Variants in MEIKIN observed in about 807,000 individuals in gnomAD.
MEIKIN encodes meiosis-specific kinetochore protein.
intron 5 of MEIKIN, among the ~76,000 whole-genome samples, chr5:131,924,703 T>C (rs549798963): frequency 1.3e-5 from 2 of 152,328 alleles, no homozygotes; most frequent in South Asian, 4.1e-4. Flanking sequence ...TATTCAGTTA[T>C]AAGAGTTCCT....
chr5:131,911,617 C>G (rs948503016), intron 8 of MEIKIN, among the ~76,000 whole-genome samples, 198 bp downstream of exon 8: 1 of 151,594 alleles, frequency 6.6e-6, no homozygotes, highest in African/African-American at 2.4e-5. Context: ...ATGATTGATG[C>G]TGTGGGGATA....
chr5:131,882,781 C>T (rs1750720576), intron 8 of MEIKIN, among the ~76,000 whole-genome samples: 1 of 152,172 alleles, frequency 6.6e-6, no homozygotes, highest in Non-Finnish European at 1.5e-5. Flanking sequence ...GCTCCAGCCA[C>T]ACTGACCTCT....
intron 5 of MEIKIN, among the ~76,000 whole-genome samples, chr5:131,929,575 TG>T (rs1456007460): frequency 6.6e-6 from 1 of 152,154 alleles, no homozygotes; most frequent in African/African-American, 2.4e-5. Context: ...GATGCACATT[TG>T]TTACATGGGA....
rs1036088629 is a variant in MEIKIN at position 131,818,721 on chromosome 5, T to A, written c.1099+19A>T. Reference sequence around the variant, plus strand: ...TTTATATCATCCAAAAAGTATGCTCTGCATTCATACTACAGTACCTTGAGG... The same window carrying A: ...TTTATATCATCCAAAAAGTATGCTCAGCATTCATACTACAGTACCTTGAGG... On this transcript the variant is annotated intron_variant, in intron 12 of 12. Coordinates refer to ENST00000442687, the MANE Select transcript of MEIKIN (RefSeq NM_001303622.2). 17 of 397,244 alleles carry A rather than the reference T, an allele frequency of 4.3e-5. No individual in the cohort carries two copies. Among genetic ancestry groups the A allele is most frequent in the Non-Finnish European group, 6.7e-5 (15 of 225,238 alleles). The allele number at this position is 397,244 out of a possible 1,614,324, so 24.6% of individuals were successfully genotyped here.
At chr5:131,940,079 C>T (rs577402838) in intron 4 of MEIKIN, among the ~76,000 whole-genome samples, 2 of 152,200 alleles carry the variant, frequency 1.3e-5, no homozygotes, top group South Asian at 2.1e-4. Context: ...TAAAGACAGA[C>T]GAAAACAATT....
intron 11 of MEIKIN, among the ~76,000 whole-genome samples, chr5:131,847,584 A>G (rs1750041451): frequency 6.6e-6 from 1 of 152,148 alleles, no homozygotes; most frequent in Admixed American, 6.5e-5. Context: ...ACAGTTCTAT[A>G]ATAATAGTTG....
intron 4 of MEIKIN, among the ~76,000 whole-genome samples, chr5:131,939,079 C>T (rs1751828906): frequency 1.3e-5 from 2 of 152,172 alleles, no homozygotes; most frequent in African/African-American, 4.8e-5. Flanking sequence ...AATATACAGA[C>T]TTTCACTTAA....
intron 8 of MEIKIN, among the ~76,000 whole-genome samples, chr5:131,908,413 C>T (rs112001981): frequency 0.017 from 2,532 of 152,096 alleles, 23 homozygotes; most frequent in Non-Finnish European, 0.025. Context: ...ACAGTAGGTA[C>T]GGAAGGAACA....
chr5:131,869,128 C>T (rs897757548), intron 9 of MEIKIN, among the ~76,000 whole-genome samples: 1 of 152,160 alleles, frequency 6.6e-6, no homozygotes, highest in African/African-American at 2.4e-5. Context: ...CATTTAGGTC[C>T]ATGACCCATT....
In MEIKIN at chr5:131,926,360, C is replaced by A. The variant is rs536098857; in HGVS notation, c.479-4419G>T. Among the ~76,000 whole-genome samples the A allele has an allele frequency of 7.2e-5, 11 of 152,252 alleles. 1 individual carries two copies. In the South Asian group the frequency reaches 2.1e-3, roughly 29 times the overall value. ...CTTTAGTTGATTTTTGTATTTGGAA[C>A]CATCCTTGCATTCCAGAGATAAACG... On this transcript the variant is annotated intron_variant, in intron 5 of 12. Transcript: ENST00000442687.
intron 9 of MEIKIN, among the ~76,000 whole-genome samples, chr5:131,878,305 C>A (rs1177450991): frequency 6.6e-6 from 1 of 152,168 alleles, no homozygotes; most frequent in Non-Finnish European, 1.5e-5. Context: ...CGGTGGCTCA[C>A]GCCTGTAATC....
intron 9 of MEIKIN, among the ~76,000 whole-genome samples, chr5:131,856,102 A>G (rs1298975798): frequency 6.6e-6 from 1 of 152,188 alleles, no homozygotes; most frequent in Non-Finnish European, 1.5e-5. Context: ...TTATTAGGAA[A>G]ATTTTTGTCA....
At chr5:131,891,244 A>G (rs1032708130) in intron 8 of MEIKIN, among the ~76,000 whole-genome samples, 1 of 152,212 alleles carries the variant, frequency 6.6e-6, no homozygotes, top group Non-Finnish European at 1.5e-5. Flanking sequence ...CGCTTGGTGC[A>G]TAGCTGAGTT....
At chr5:131,834,877 T>G (rs965565902) in intron 11 of MEIKIN, among the ~76,000 whole-genome samples, 4 of 152,156 alleles carry the variant, frequency 2.6e-5, no homozygotes, top group African/African-American at 9.7e-5. Context: ...CCCCCATCCT[T>G]TTTTCCATAA....
chr5:131,921,282 T>C (rs943886235), intron 6 of MEIKIN, among the ~76,000 whole-genome samples: 1 of 152,064 alleles, frequency 6.6e-6, no homozygotes, highest in Non-Finnish European at 1.5e-5. Context: ...AAGGCCAAGG[T>C]AGAAGAATTG....
At chr5:131,850,302 A>G (rs549328225) in intron 11 of MEIKIN, among the ~76,000 whole-genome samples, 19 of 152,286 alleles carry the variant, frequency 1.2e-4, no homozygotes, top group Admixed American at 8.5e-4. Flanking sequence ...CAAAACCCCA[A>G]TGATGTTTAT....
chr5:131,893,179 G>C (rs1020393646), intron 8 of MEIKIN, among the ~76,000 whole-genome samples: 4 of 152,232 alleles, frequency 2.6e-5, no homozygotes, highest in African/African-American at 9.6e-5. Context: ...TCTGTGCCCT[G>C]TCCCCAGAGG....
At chr5:131,852,011 A>G (rs1457513769) in intron 10 of MEIKIN, among the ~76,000 whole-genome samples, 1 of 152,260 alleles carries the variant, frequency 6.6e-6, no homozygotes, top group Non-Finnish European at 1.5e-5. Context: ...TGTTCATAAC[A>G]GTATTATTCA....
At chr5:131,942,979 A>G (rs1203631770) in intron 3 of MEIKIN, among the ~76,000 whole-genome samples, 1 of 152,054 alleles carries the variant, frequency 6.6e-6, no homozygotes, top group Non-Finnish European at 1.5e-5. Flanking sequence ...AGAGGTGAAT[A>G]TTTTTCTGGT....
Sources: gnomAD v4.1 joint callset for allele counts (sites outside exome capture counted in the v4.1 genomes callset) on GRCh38, gnomAD v4.1.1 for gene constraint, MANE v1.5 for transcripts, NCBI Gene and HGNC (gene_info 2026-07-23, HGNC 2026-07-21) for gene names.